The following THBS4 variants were observed in gnomAD, a reference collection of about 807,000 sequenced individuals.
The protein encoded by THBS4 is thrombospondin 4.
Under a neutral mutation model 115.7 loss-of-function variants are expected in THBS4, and 90 were observed. The ratio of observed to expected loss-of-function variants is 0.78; its 90% CI spans 0.66 to 0.93. The LOEUF is 0.93. Among genes scored for constraint, THBS4 ranks in the 40% least tolerant of loss-of-function variants. The pLI is 0.00. For synonymous variants in THBS4, 460 were observed against 479.3 expected, an observed-to-expected ratio of 0.96 and a Z score of 0.53; for missense variants, 1,087 against 1,232.7, an observed-to-expected ratio of 0.88 and a Z score of 1.77.
At chr5:80,061,922 C>A in intron 8 of THBS4, 90 bp downstream of exon 8, 3 of 1,366,362 alleles carry the variant, frequency 2.2e-6, no homozygotes, top group Non-Finnish European at 2.9e-6. Context: ...CCTTTACCTC[C>A]ATGAGCAGTC....
intron 1 of THBS4, among the ~76,000 whole-genome samples, chr5:79,997,607 C>G (rs1831821396): frequency 6.6e-6 from 1 of 152,076 alleles, no homozygotes; most frequent in Non-Finnish European, 1.5e-5. Context: ...GATAGAACTA[C>G]TGGACAAAAA....
At chr5:80,066,111 A>AAAACTTTTC (rs1419272531) in intron 9 of THBS4, among the ~76,000 whole-genome samples, 1 of 151,976 alleles carries the variant, frequency 6.6e-6, no homozygotes, top group African/African-American at 2.4e-5. Flanking sequence ...AAAAAAAAAA[A>AAAACTTTTC]AAAACTTTTC....
At chr5:80,061,577 A>G in intron 7 of THBS4, 118 bp from the exon 8 acceptor site, 1 of 1,344,476 alleles carries the variant, frequency 7.4e-7, no homozygotes, top group East Asian at 2.3e-5. Flanking sequence ...ATTTCCTTTT[A>G]TTATTTTTTC....
intron 5 of THBS4, among the ~76,000 whole-genome samples, chr5:80,059,102 T>C (rs1016394975): frequency 8.5e-5 from 13 of 152,066 alleles, no homozygotes; most frequent in Non-Finnish European, 1.6e-4. Flanking sequence ...GAGGCTGAGG[T>C]GGGCAGATCA....
At chr5:80,069,065 C>G (rs1833940184) in intron 10 of THBS4, among the ~76,000 whole-genome samples, 1 of 152,210 alleles carries the variant, frequency 6.6e-6, no homozygotes, top group Non-Finnish European at 1.5e-5. Context: ...ACTTCAGCTG[C>G]CCCCCTCCTC....
intron 20 of THBS4, among the ~76,000 whole-genome samples, chr5:80,081,426 A>G (rs17880343): frequency 0.11 from 16,105 of 152,220 alleles, 1,135 homozygotes; most frequent in South Asian, 0.21. Flanking sequence ...TAACAATATC[A>G]TAGAGAAATA....
intron 2 of THBS4, among the ~76,000 whole-genome samples, chr5:80,023,322 AAC>A (rs1832414900): frequency 1.3e-5 from 2 of 152,316 alleles, no homozygotes; most frequent in East Asian, 3.9e-4. Flanking sequence ...TATATAAAGT[AAC>A]ACACACTCCA....
intron 13 of THBS4, 45 bp downstream of exon 13, chr5:80,071,225 C>T (rs773136656): frequency 1.1e-5 from 17 of 1,544,346 alleles, no homozygotes; most frequent in Admixed American, 8.9e-5. Context: ...TTCAGTTGAC[C>T]TTGTTCCATT....
At chr5:80,027,849 G>A (rs1050099896) in intron 2 of THBS4, among the ~76,000 whole-genome samples, 12 of 137,288 alleles carry the variant, frequency 8.7e-5, no homozygotes, top group East Asian at 6.5e-4. Flanking sequence ...AGCCGAGGTC[G>A]TGCCACTGCA....
intron 7 of THBS4, 62 bp downstream of exon 7, chr5:80,059,967 G>A: frequency 1.3e-6 from 2 of 1,531,098 alleles, no homozygotes; most frequent in Non-Finnish European, 1.8e-6. Flanking sequence ...GCAGCTTTTG[G>A]AAAAAGAAGC....
chr5:80,080,175 G>C, intron 20 of THBS4, 98 bp downstream of exon 20: 3 of 1,390,232 alleles, frequency 2.2e-6, no homozygotes, highest in Non-Finnish European at 2.9e-6. Flanking sequence ...TCTGACCTAG[G>C]ATAGTCCCCA....
intron 21 of THBS4, 141 bp downstream of exon 21, chr5:80,082,686 C>G: frequency 8.5e-6 from 9 of 1,056,678 alleles, no homozygotes; most frequent in Non-Finnish European, 1.2e-5. Context: ...CCCTGTGTAC[C>G]AGAAGTAAAA....
At chr5:80,042,930 C>T (rs1179321572) in intron 2 of THBS4, among the ~76,000 whole-genome samples, 1 of 152,038 alleles carries the variant, frequency 6.6e-6, no homozygotes, top group Non-Finnish European at 1.5e-5. Context: ...TGTGCCGCTG[C>T]ACTCCACACT....
intron 15 of THBS4, chr5:80,075,906 T>C (rs1743182081): frequency 6.6e-6 from 1 of 152,260 alleles, no homozygotes; most frequent in South Asian, 2.1e-4. Flanking sequence ...TACCATGTGG[T>C]AGGTGTGGCC....
chr5:80,066,870 C>T (rs1833846470), intron 9 of THBS4: 1 of 151,716 alleles, frequency 6.6e-6, no homozygotes, highest in South Asian at 2.1e-4. Flanking sequence ...AGGACTAGGC[C>T]AAGGAAAAAG....
At position 80,068,028 on chromosome 5, in the gene THBS4, G is replaced by GA; in HGVS notation, c.1251dup (p.Cys418MetfsTer23). 6.2e-7 allele frequency: 1 copy of GA among 1,614,210 alleles called. No individual in the cohort carries two copies. The highest frequency in any genetic ancestry group is 1.6e-4 in the Middle Eastern group (1 of 6,062). On this transcript the variant is annotated frameshift_variant, in exon 10 of 22. Transcript: ENST00000350881. LOFTEE classifies it high-confidence loss of function. ...GGGTATACTGGTGATCAGATAAGGG[G>GA]ATGCAAAGCGGAAAGAAACTGCAGA...
At chr5:80,045,358 T>C (rs1833027744) in intron 2 of THBS4, among the ~76,000 whole-genome samples, 1 of 152,150 alleles carries the variant, frequency 6.6e-6, no homozygotes, top group Admixed American at 6.5e-5. Flanking sequence ...GTGAAACTCC[T>C]TAGCCTAAGG....
intron 5 of THBS4, 43 bp downstream of exon 5, chr5:80,058,833 A>G: frequency 6.4e-7 from 1 of 1,572,410 alleles, no homozygotes; most frequent in Non-Finnish European, 8.7e-7. Flanking sequence ...TCGTCTTCTT[A>G]GAGCAGCTCC....
At chr5:80,023,313 A>G (rs1308204527) in intron 2 of THBS4, among the ~76,000 whole-genome samples, 3 of 152,216 alleles carry the variant, frequency 2.0e-5, no homozygotes, top group Non-Finnish European at 2.9e-5. Flanking sequence ...TCGTATCTCT[A>G]TATAAAGTAA....
Sources: gnomAD v4.1 joint callset for allele counts (sites outside exome capture counted in the v4.1 genomes callset) on GRCh38, gnomAD v4.1.1 for gene constraint, MANE v1.5 for transcripts, NCBI Gene and HGNC (gene_info 2026-07-23, HGNC 2026-07-21) for gene names.